GNAQ: variants seen among roughly 807,000 people sequenced by gnomAD.
The protein encoded by GNAQ is G protein subunit alpha q.
GNAQ carries 8 observed loss-of-function variants against 43.9 expected under a neutral mutation model. The observed-to-expected ratio is 0.18, with a 90% CI of 0.11 to 0.33. GNAQ has a LOEUF of 0.33. Ranked by LOEUF, GNAQ falls within the 10% of genes least tolerant of loss-of-function variation. The probability of loss-of-function intolerance (pLI) is 1.00; values close to 1 mark genes in which losing one functional copy is unlikely to be tolerated. For missense variants in GNAQ, 158 were observed against 450.8 expected (o/e 0.35, Z 5.88); for synonymous variants, 155 against 170.7 (o/e 0.91, Z 0.71).
intron 2 of GNAQ, among the ~76,000 whole-genome samples, chr9:77,869,346 A>G (rs1827999416): frequency 6.6e-6 from 1 of 152,226 alleles, no homozygotes; most frequent in South Asian, 2.1e-4. Flanking sequence ...ACCTCAGTGC[A>G]TAAGGAGAAA....
At chr9:78,030,887 C>CTGTGTGTGTGTGTG (rs35071779) in intron 1 of GNAQ, among the ~76,000 whole-genome samples, 16 of 146,154 alleles carry the variant, frequency 1.1e-4, no homozygotes, top group African/African-American at 3.3e-4. Context: ...GTGTGTGTCG[C>CTGTGTGTGTGTGTG]TGTGTGTGTG....
intron 1 of GNAQ, among the ~76,000 whole-genome samples, chr9:77,981,598 T>C (rs1823369196): frequency 1.3e-5 from 2 of 152,176 alleles, no homozygotes; most frequent in South Asian, 4.1e-4. Flanking sequence ...TATACTCTAT[T>C]TTGCATGCAA....
chr9:78,001,057 A>C (rs1823637387), intron 1 of GNAQ, among the ~76,000 whole-genome samples: 1 of 152,208 alleles, frequency 6.6e-6, no homozygotes, highest in Non-Finnish European at 1.5e-5. Context: ...TTCTGTCTTG[A>C]CAACAACTTC....
chr9:77,827,224 TG>T (rs1314063606), intron 2 of GNAQ, among the ~76,000 whole-genome samples: 1 of 151,826 alleles, frequency 6.6e-6, no homozygotes, highest in Non-Finnish European at 1.5e-5. Context: ...AATAAAACCT[TG>T]TCTAAGATAT....
At chr9:77,958,633 G>T (rs1823071138) in intron 1 of GNAQ, among the ~76,000 whole-genome samples, 1 of 152,174 alleles carries the variant, frequency 6.6e-6, no homozygotes, top group East Asian at 1.9e-4. Flanking sequence ...ATTTTAACTG[G>T]GCCATCATTT....
At position 77,779,373 on chromosome 9, in the gene GNAQ, T is replaced by C. The variant is rs1826352475; in HGVS notation, c.735+15090A>G. On this transcript the variant is annotated intron_variant, in intron 5 of 6. Transcript: ENST00000286548. ...TTTTGAACTAAACGAAAAATTAAAATACAACTTATCAAAATTTGTGGAATA... is the reference window on the plus strand; with the variant it reads ...TTTTGAACTAAACGAAAAATTAAAACACAACTTATCAAAATTTGTGGAATA... 2.0e-5 allele frequency among the ~76,000 whole-genome samples: 3 copies of C among 151,786 alleles called. No homozygotes were observed. The South Asian group carries it at 6.2e-4, about 31-fold the overall frequency.
chr9:77,950,308 T>G (rs1822959835), intron 1 of GNAQ, among the ~76,000 whole-genome samples: 1 of 152,204 alleles, frequency 6.6e-6, no homozygotes, highest in African/African-American at 2.4e-5. Context: ...TGCTCACTTC[T>G]TAGTGCTGAT....
chr9:77,838,915 T>C (rs1456185459), intron 2 of GNAQ, among the ~76,000 whole-genome samples: 1 of 152,072 alleles, frequency 6.6e-6, no homozygotes, highest in Non-Finnish European at 1.5e-5. Context: ...TTTGTGACTC[T>C]GATGAGGAAA....
intron 1 of GNAQ, among the ~76,000 whole-genome samples, chr9:78,002,116 A>C (rs1234794662): frequency 1.3e-5 from 2 of 152,214 alleles, no homozygotes; most frequent in Non-Finnish European, 2.9e-5. Flanking sequence ...CATTCCTTTG[A>C]CATTAGCAGT....
chr9:77,907,799 G>A (rs1828735072), intron 2 of GNAQ, among the ~76,000 whole-genome samples: 1 of 152,128 alleles, frequency 6.6e-6, no homozygotes, highest in Non-Finnish European at 1.5e-5. Context: ...CAGGCCCTTT[G>A]CTAGGTCCTG....
chr9:77,776,918 A>G (rs1347102596), intron 5 of GNAQ, among the ~76,000 whole-genome samples: 1 of 151,774 alleles, frequency 6.6e-6, no homozygotes, highest in African/African-American at 2.4e-5. Flanking sequence ...TTATGTGGAA[A>G]TGTAAAGGAC....
At chr9:77,969,745 A>C (rs746548349) in intron 1 of GNAQ, among the ~76,000 whole-genome samples, 21 of 152,184 alleles carry the variant, frequency 1.4e-4, no homozygotes, top group Non-Finnish European at 1.2e-4. Flanking sequence ...TCTTTCTTTA[A>C]ATATGTGAAG....
In GNAQ at chr9:77,916,812, C is replaced by T. The variant is rs548993612; in HGVS notation, c.321+5349G>A. On this transcript the variant is annotated intron_variant, in intron 2 of 6. Coordinates refer to ENST00000286548, the MANE Select transcript of GNAQ (RefSeq NM_002072.5). ...CACTCAACATTGGCCCAAGGTGAGG[C>T]GGAGTTCTCTTAGACAACTGTCTTA... is the stretch of plus-strand genomic sequence containing the variant. 2.6e-4 allele frequency among the ~76,000 whole-genome samples: 40 copies of T among 151,684 alleles called. 1 individual carries two copies. The highest frequency in any genetic ancestry group is 4.1e-4 in the Non-Finnish European group (28 of 67,960).
intron 2 of GNAQ, among the ~76,000 whole-genome samples, chr9:77,919,542 TAAC>T (rs1423683703): frequency 6.6e-6 from 1 of 152,100 alleles, no homozygotes; most frequent in Non-Finnish European, 1.5e-5. Context: ...ATGATGTCCT[TAAC>T]AAGCATAAAC....
chr9:78,009,962 C>G (rs1823754044), intron 1 of GNAQ, among the ~76,000 whole-genome samples: 1 of 152,128 alleles, frequency 6.6e-6, no homozygotes, highest in South Asian at 2.1e-4. Flanking sequence ...TGAACTGGTA[C>G]TGGTAGAGAA....
At chr9:77,775,002 G>A (rs183915066) in intron 5 of GNAQ, among the ~76,000 whole-genome samples, 5 of 152,134 alleles carry the variant, frequency 3.3e-5, no homozygotes, top group East Asian at 1.9e-4. Context: ...ATAAATATCT[G>A]TATTATATGT....
chr9:77,832,315 ATTAT>A (rs1827312397), intron 2 of GNAQ, among the ~76,000 whole-genome samples: 1 of 152,126 alleles, frequency 6.6e-6, no homozygotes, highest in South Asian at 2.1e-4. Flanking sequence ...TCTTGCTTCA[ATTAT>A]TCACAAAGTG....
chr9:77,749,923 TACA>T (rs1825786042), intron 5 of GNAQ, among the ~76,000 whole-genome samples: 3 of 152,178 alleles, frequency 2.0e-5, no homozygotes, highest in Non-Finnish European at 2.9e-5. Context: ...ATTTTTTTCA[TACA>T]TTGTAATTGT....
At chr9:77,843,584 C>T (rs1827526975) in intron 2 of GNAQ, among the ~76,000 whole-genome samples, 1 of 152,036 alleles carries the variant, frequency 6.6e-6, no homozygotes, top group African/African-American at 2.4e-5. Context: ...GGATGCTGAC[C>T]CCTTGGATAG....
Sources: allele counts gnomAD v4.1 joint callset (sites outside exome capture counted in the v4.1 genomes callset), GRCh38; gene constraint gnomAD v4.1.1; transcripts MANE v1.5; gene names NCBI Gene and HGNC (gene_info 2026-07-23, HGNC 2026-07-21).